Variants in FHDC1 observed in about 807,000 individuals in gnomAD.
The protein encoded by FHDC1 is FH2 domain-containing protein 1.
Under a neutral mutation model 52.6 loss-of-function variants are expected in FHDC1, and 25 were observed. The observed-to-expected ratio is 0.48, with a 90% confidence interval of 0.35 to 0.66. FHDC1 has a LOEUF of 0.66. Among genes scored for constraint, FHDC1 ranks in the 30% least tolerant of loss-of-function variants. FHDC1 has a pLI of 0.01. For missense variants in FHDC1, 1,459 were observed against 1,452.8 expected, an observed-to-expected ratio of 1.00 and a Z score of -0.07; for synonymous variants, 616 against 581.5, an observed-to-expected ratio of 1.06 and a Z score of -0.85.
intron 1 of FHDC1, among the ~76,000 whole-genome samples, chr4:152,939,198 G>A (rs2149934298): frequency 6.6e-6 from 1 of 152,252 alleles, no homozygotes; most frequent in African/African-American, 2.4e-5. Context: ...TCCTGCCTCA[G>A]CCTCCCAAGT....
the FHDC1 span, chr4:152,911,947 C>G: frequency 6.6e-6 from 1 of 152,346 alleles, no homozygotes; most frequent in African/African-American, 2.4e-5. Context: ...TAAGAAGTAA[C>G]TATTTGGAAA....
rs2149937576 is a variant in FHDC1 at position 152,943,465 on chromosome 4, G to A, written c.408G>A (p.Glu136=). 1 of 1,614,148 alleles carries A rather than the reference G, an allele frequency of 6.2e-7. No homozygotes were observed. Among genetic ancestry groups the A allele is most frequent in the Non-Finnish European group, 8.5e-7 (1 of 1,180,030 alleles). The part of the protein sequence containing the change: ...HYQIDTKTIE[E]LFGQQEDTTK... ...AAATTGATACAAAGACCATTGAGGA[G>A]CTCTTTGGGCAGCAGGAAGACACCA... Residue 136 remains glutamate, a synonymous_variant, in exon 2 of 12, where the codon GAG becomes GAA. Transcript: ENST00000511601.
intron 1 of FHDC1, among the ~76,000 whole-genome samples, chr4:152,937,368 C>A (rs1739415093): frequency 6.6e-6 from 1 of 152,132 alleles, no homozygotes; most frequent in Non-Finnish European, 1.5e-5. Context: ...CCCTAGTTAG[C>A]CGTCTCCCAC....
intron 9 of FHDC1, among the ~76,000 whole-genome samples, chr4:152,966,169 AT>A (rs2149955769): frequency 6.6e-6 from 1 of 152,338 alleles, no homozygotes; most frequent in Non-Finnish European, 1.5e-5. Context: ...TTAGCATTAT[AT>A]TTTTGAAATG....
chr4:152,921,261 T>G, the FHDC1 span, among the ~76,000 whole-genome samples: 1 of 151,874 alleles, frequency 6.6e-6, no homozygotes, highest in African/African-American at 2.4e-5. Flanking sequence ...TTAGAAAAAA[T>G]ATTTTCCTAT....
rs1394244781 is a variant in FHDC1, at chr4:152,976,667, C to G, written c.3376C>G (p.Arg1126Gly). ...GGCTGGGGAAAGGGCCTCCCTCCGT[C>G]GGAAGGACTCCAGTCGGACCACGCT... is the stretch of plus-strand genomic sequence containing the variant. ...RGAGERASLR[R>G]KDSSRTTLGR... Residue 1126 changes from arginine to glycine, a missense_variant, in exon 12 of 12, where the codon CGG becomes GGG. Arg to Gly is a moderately radical substitution (Grantham distance 125, BLOSUM62 -2). Around this residue, in one of 3 missense-constraint regions of FHDC1, gnomAD observed 939 missense variants for 854.5 expected, o/e 1.10. Coordinates refer to ENST00000511601, the MANE Select transcript of FHDC1 (RefSeq NM_001371116.1). 42 of 1,566,172 alleles carry G rather than the reference C, an allele frequency of 2.7e-5. No individual in the cohort carries two copies. Among genetic ancestry groups the G allele is most frequent in the Non-Finnish European group, 3.6e-5 (42 of 1,156,972 alleles).
chr4:152,965,716 A>C (rs955921064), intron 9 of FHDC1, among the ~76,000 whole-genome samples: 3 of 152,220 alleles, frequency 2.0e-5, no homozygotes, highest in Admixed American at 6.5e-5. Flanking sequence ...ACCATGGCTG[A>C]TGTCAAGCTG....
Position 152,975,121 on chromosome 4 carries a change from G to A in FHDC1, c.1830G>A (p.Glu610=), listed in dbSNP as rs971235400. The A allele has an allele frequency of 6.2e-7, 1 of 1,612,766 alleles. No homozygotes were observed. The highest frequency in any genetic ancestry group is 1.3e-5 in the African/African-American group (1 of 75,038). ...HKPQASGGQE[E]APNPPSAQAH... is the part of the protein sequence containing the mutation. ...CTCAGGCCTCGGGGGGCCAGGAGGAGGCCCCCAACCCACCCTCAGCACAGG... is the reference window on the plus strand; with the variant it reads ...CTCAGGCCTCGGGGGGCCAGGAGGAAGCCCCCAACCCACCCTCAGCACAGG... Residue 610 remains glutamate, a synonymous_variant, in exon 12 of 12, where the codon GAG becomes GAA. Transcript: ENST00000511601.
chr4:152,973,543 C>G (rs1406862913), intron 11 of FHDC1, among the ~76,000 whole-genome samples: 1 of 152,232 alleles, frequency 6.6e-6, no homozygotes, highest in Non-Finnish European at 1.5e-5. Context: ...TGTGAGGCCA[C>G]CTGTGTGATG....
At chr4:152,937,550 A>G (rs1384847997) in intron 1 of FHDC1, among the ~76,000 whole-genome samples, 1 of 151,790 alleles carries the variant, frequency 6.6e-6, no homozygotes, top group Non-Finnish European at 1.5e-5. Context: ...CGGCCGACCC[A>G]GCAGCTGCAG....
Position 152,938,391 on chromosome 4 carries a change from C to T in FHDC1, c.-131+1982C>T, listed in dbSNP as rs565658574. ...CTGCCTGGAGCACAGGCAGACGGAA[C>T]TCACAGAAGAGCTGGACGGTCCGGC... On this transcript the variant is annotated intron_variant, in intron 1 of 11. Coordinates refer to ENST00000511601, the MANE Select transcript of FHDC1 (RefSeq NM_001371116.1). Among the ~76,000 whole-genome samples the T allele has an allele frequency of 4.6e-5, 7 of 150,570 alleles. No homozygotes were observed. The East Asian group carries it at 1.4e-3, about 29-fold the overall frequency.
In FHDC1 at chr4:152,967,645, G is replaced by A. The variant is rs191474297; in HGVS notation, c.1101-335G>A. On this transcript the variant is annotated intron_variant, in intron 9 of 11. Transcript: ENST00000511601. The stretch of plus-strand genomic sequence containing the variant: ...GGCCCATGGAAAGCATATGAATCCC[G>A]GAAGCCGCTGGCATTTAGTTTGTAA... Among the ~76,000 whole-genome samples the A allele has an allele frequency of 2.6e-5, 4 of 152,284 alleles. No individual in the cohort carries two copies. In the East Asian group the frequency reaches 5.8e-4, roughly 22 times the overall value.
Position 152,952,339 on chromosome 4 carries a change from GTTAGGCCAAGA to G in FHDC1, c.499-1159_499-1149del, listed in dbSNP as rs1424628541. 9.9e-5 allele frequency among the ~76,000 whole-genome samples: 15 copies of G among 151,944 alleles called. No homozygotes were observed. The East Asian group carries it at 2.9e-3, about 30-fold the overall frequency. On this transcript the variant is annotated intron_variant, in intron 2 of 11. Coordinates refer to ENST00000511601, the MANE Select transcript of FHDC1 (RefSeq NM_001371116.1). ...TCAGTTCAAATCTCACGCGATTCTT[GTTAGGCCAAGA>G]CATCCATTTCTAAATTGGGGCTTTT...
At chr4:152,967,540 C>G (rs1471766276) in intron 9 of FHDC1, among the ~76,000 whole-genome samples, 2 of 152,198 alleles carry the variant, frequency 1.3e-5, no homozygotes, top group Non-Finnish European at 2.9e-5. Flanking sequence ...GCTATTTTCT[C>G]ACTGTTACCC....
chr4:152,930,858 G>A, the FHDC1 span, among the ~76,000 whole-genome samples: 1 of 152,138 alleles, frequency 6.6e-6, no homozygotes, highest in South Asian at 2.1e-4. Flanking sequence ...AAGGGGAGCA[G>A]AAAGGGCTTT....
chr4:152,913,156 T>G, the FHDC1 span, among the ~76,000 whole-genome samples: 2 of 152,258 alleles, frequency 1.3e-5, no homozygotes, highest in Non-Finnish European at 2.9e-5. Flanking sequence ...TAAATCAATG[T>G]GTCAAAAGTG....
chr4:152,916,697 C>A, the FHDC1 span, among the ~76,000 whole-genome samples: 34 of 152,030 alleles, frequency 2.2e-4, no homozygotes, highest in Non-Finnish European at 4.4e-4. Flanking sequence ...TTGCTCTACT[C>A]CTACAGATAC....
upstream of FHDC1, among the ~76,000 whole-genome samples, chr4:152,933,378 A>G (rs1579074075): frequency 6.6e-6 from 1 of 152,344 alleles, no homozygotes; most frequent in East Asian, 1.9e-4. Flanking sequence ...ACTCTATTGA[A>G]GAGTTGCGCC....
rs1240275518 is a variant in FHDC1 at position 152,975,042 on chromosome 4, C to T, written c.1751C>T (p.Ala584Val). Residue 584 changes from alanine to valine, a missense_variant, in exon 12 of 12, where the codon GCC becomes GTC. Ala to Val is a moderately conservative substitution (Grantham distance 64). This residue lies in a region of FHDC1 where 939 missense variants were observed against 854.5 expected (regional missense o/e 1.10). Transcript: ENST00000511601. Reference protein sequence around the residue: ...SSPRQARPTIACLEPAEVRHQ... With the variant: ...SSPRQARPTIVCLEPAEVRHQ... ...CCCCGGCAGGCCCGGCCCACGATAGCCTGCCTGGAGCCTGCAGAAGTGAGG... is the reference window on the plus strand; with the variant it reads ...CCCCGGCAGGCCCGGCCCACGATAGTCTGCCTGGAGCCTGCAGAAGTGAGG... 1.2e-6 allele frequency: 2 copies of T among 1,612,508 alleles called. No homozygotes were observed. Among genetic ancestry groups the T allele is most frequent in the Admixed American group, 1.7e-5 (1 of 60,014 alleles).
Sources: allele counts gnomAD v4.1 joint callset (sites outside exome capture counted in the v4.1 genomes callset), GRCh38; gene constraint gnomAD v4.1.1; regional missense constraint gnomAD v4.1.1; transcripts MANE v1.5; gene names NCBI Gene and HGNC (gene_info 2026-07-23, HGNC 2026-07-21).